The following CLTCL1 variants were observed in gnomAD, a reference collection of about 807,000 sequenced individuals.
The protein encoded by CLTCL1 is clathrin heavy chain like 1, also known as clathrin heavy chain 2.
Under a neutral mutation model 190.0 loss-of-function variants are expected in CLTCL1, and 159 were observed. The observed-to-expected ratio is 0.84, with a 90% confidence interval of 0.74 to 0.95. The LOEUF is 0.95. CLTCL1 is among the 40% of genes least tolerant of loss of function. CLTCL1 has a pLI of 0.00. For missense variants in CLTCL1, 1,878 were observed against 2,033.4 expected (o/e 0.92, Z 1.47); for synonymous variants, 752 against 769.6 (o/e 0.98, Z 0.38).
intron 14 of CLTCL1, 124 bp downstream of exon 14, chr22:19,223,767 C>T: frequency 1.8e-6 from 2 of 1,104,530 alleles, no homozygotes. Context: ...AGCTCTGTCC[C>T]TGGGACTAAG....
At chr22:19,235,171 T>C (rs1236618029) in intron 6 of CLTCL1, among the ~76,000 whole-genome samples, 3 of 151,646 alleles carry the variant, frequency 2.0e-5, no homozygotes, top group African/African-American at 7.3e-5. Flanking sequence ...TTCCCGACTT[T>C]TTTTTTTTTT....
At chr22:19,183,658 T>C in intron 29 of CLTCL1, 47 bp from the exon 30 acceptor site, 4 of 1,578,720 alleles carry the variant, frequency 2.5e-6, no homozygotes, top group Non-Finnish European at 3.5e-6. Context: ...AGGCAGAGGC[T>C]TTGTGCCTGC....
At chr22:19,278,674 TG>T (rs1301550962) in intron 1 of CLTCL1, among the ~76,000 whole-genome samples, 1 of 152,192 alleles carries the variant, frequency 6.6e-6, no homozygotes, top group Non-Finnish European at 1.5e-5. Flanking sequence ...TTTAGTTCCC[TG>T]CTGGCTTATA....
At chr22:19,232,702 G>A in intron 9 of CLTCL1, 104 bp from the exon 10 acceptor site, 1 of 1,414,800 alleles carries the variant, frequency 7.1e-7, no homozygotes, top group South Asian at 1.3e-5. Flanking sequence ...ACAAAGAAAT[G>A]AGCAGCAACA....
intron 22 of CLTCL1, among the ~76,000 whole-genome samples, chr22:19,202,424 C>A (rs2084918619): frequency 6.6e-6 from 1 of 152,034 alleles, no homozygotes; most frequent in Admixed American, 6.6e-5. Context: ...GCACCTCCCG[C>A]ACCACCCCTC....
At chr22:19,219,465 G>A (rs1015551359) in intron 18 of CLTCL1, among the ~76,000 whole-genome samples, 37 of 150,744 alleles carry the variant, frequency 2.5e-4, no homozygotes, top group African/African-American at 8.8e-4. Flanking sequence ...GATTACAGGC[G>A]TGAGCCACCA....
chr22:19,268,533 C>T (rs1465578131), intron 2 of CLTCL1, among the ~76,000 whole-genome samples: 1 of 151,752 alleles, frequency 6.6e-6, no homozygotes, highest in Non-Finnish European at 1.5e-5. Flanking sequence ...AAGAACTGGG[C>T]AAATATTTAA....
intron 3 of CLTCL1, among the ~76,000 whole-genome samples, chr22:19,245,152 G>A (rs1364825706): frequency 6.6e-6 from 1 of 150,974 alleles, no homozygotes; most frequent in Non-Finnish European, 1.5e-5. Flanking sequence ...GACAGGGTTG[G>A]CAAACTATGG....
At chr22:19,283,028 C>T (rs763719599) in intron 1 of CLTCL1, among the ~76,000 whole-genome samples, 1 of 151,820 alleles carries the variant, frequency 6.6e-6, no homozygotes, top group Non-Finnish European at 1.5e-5. Flanking sequence ...CCCACTACCA[C>T]GCCTGGCTAA....
intron 12 of CLTCL1, 128 bp downstream of exon 12, chr22:19,226,091 T>C: frequency 9.5e-7 from 1 of 1,055,586 alleles, no homozygotes; most frequent in East Asian, 2.6e-5. Context: ...TAGTAAAGTA[T>C]GGTAGGTTAG....
intron 1 of CLTCL1, among the ~76,000 whole-genome samples, chr22:19,282,768 C>A (rs2087765581): frequency 1.3e-5 from 2 of 152,022 alleles, no homozygotes; most frequent in Admixed American, 1.3e-4. Flanking sequence ...ATAACTTTTC[C>A]ATCTAAGATG....
At chr22:19,222,208 C>T (rs375405817) in intron 15 of CLTCL1, 115 bp from the exon 16 acceptor site, 31 of 1,010,920 alleles carry the variant, frequency 3.1e-5, no homozygotes, top group African/African-American at 9.6e-5. Context: ...TTTAGCACTG[C>T]GCTGTGTCCC....
intron 2 of CLTCL1, chr22:19,257,749 G>T: frequency 7.5e-7 from 1 of 1,331,802 alleles, no homozygotes; most frequent in Non-Finnish European, 1.0e-6. Context: ...GGAATAGGGG[G>T]CATCTAGAAT....
chr22:19,247,431 G>A (rs539718212), intron 3 of CLTCL1, among the ~76,000 whole-genome samples: 34 of 152,276 alleles, frequency 2.2e-4, no homozygotes, highest in African/African-American at 8.2e-4. Flanking sequence ...TTTTTAGTTT[G>A]TCAGTAAAGC....
intron 29 of CLTCL1, among the ~76,000 whole-genome samples, chr22:19,186,455 G>A (rs926336481): frequency 1.3e-5 from 2 of 152,106 alleles, no homozygotes; most frequent in Non-Finnish European, 2.9e-5. Context: ...ATGATACTAA[G>A]AAACCTCTCA....
At chr22:19,290,666 A>C (rs1371957563) in intron 1 of CLTCL1, among the ~76,000 whole-genome samples, 1 of 152,196 alleles carries the variant, frequency 6.6e-6, no homozygotes. Context: ...TCCCGTCTGC[A>C]TCTAGGGCTA....
chr22:19,192,063 CTTTTTTTT>C (rs782761355), intron 26 of CLTCL1, among the ~76,000 whole-genome samples: 5 of 118,338 alleles, frequency 4.2e-5, no homozygotes, highest in Admixed American at 1.9e-4. Context: ...GCGATGTCAT[CTTTTTTTT>C]TTTTTTTTTT....
intron 2 of CLTCL1, among the ~76,000 whole-genome samples, chr22:19,268,076 G>T (rs2087179757): frequency 6.6e-6 from 1 of 152,130 alleles, no homozygotes; most frequent in South Asian, 2.1e-4. Context: ...CAAAATGCAT[G>T]CTGAAACTTC....
rs188330628 is a variant in CLTCL1, at chr22:19,269,470, T to C, written c.250+6153A>G. Among the ~76,000 whole-genome samples, 713 of 152,160 alleles carry C rather than the reference T, an allele frequency of 4.7e-3. 7 individuals are homozygous for C. The highest frequency in any genetic ancestry group is 7.5e-3 in the Non-Finnish European group (507 of 68,002). On this transcript the variant is annotated intron_variant, in intron 2 of 32. Coordinates refer to ENST00000427926, the MANE Select transcript of CLTCL1 (RefSeq NM_007098.4). Reference sequence around the variant, plus strand: ...CTACTCCACCCAAGAGAAATGAAAATATATGTCCACATGCACACATATGTT... The same window carrying C: ...CTACTCCACCCAAGAGAAATGAAAACATATGTCCACATGCACACATATGTT...
Sources: allele counts gnomAD v4.1 joint callset (sites outside exome capture counted in the v4.1 genomes callset), GRCh38; gene constraint gnomAD v4.1.1; transcripts MANE v1.5; gene names NCBI Gene and HGNC (gene_info 2026-07-23, HGNC 2026-07-21).